IQGAP2: variants seen among roughly 807,000 people sequenced by gnomAD.
IQGAP2 encodes the protein ras GTPase-activating-like protein IQGAP2.
In IQGAP2, 173 loss-of-function variants were observed where a neutral mutation model predicts 201.3. That is an observed-to-expected ratio of 0.86 (90% CI 0.76 to 0.98). The LOEUF (loss-of-function observed/expected upper bound fraction) is 0.98, where lower values mean the gene tolerates loss of function less well. Among genes scored for constraint, IQGAP2 ranks in the 50% least tolerant of loss-of-function variants. IQGAP2 has a pLI of 0.00. For synonymous variants in IQGAP2, 675 were observed against 673.9 expected, an observed-to-expected ratio of 1.00 and a Z score of -0.03; for missense variants, 1,687 against 1,864.8, an observed-to-expected ratio of 0.90 and a Z score of 1.76.
intron 34 of IQGAP2, chr5:76,701,658 AG>A (rs2150562641): frequency 6.5e-6 from 1 of 154,530 alleles, no homozygotes; most frequent in East Asian, 1.9e-4. Context: ...GCCCCACATC[AG>A]GCACCATGTG....
At chr5:76,495,281 A>T (rs1394609532) in intron 2 of IQGAP2, among the ~76,000 whole-genome samples, 1 of 152,242 alleles carries the variant, frequency 6.6e-6, no homozygotes, top group Non-Finnish European at 1.5e-5. Flanking sequence ...CTGCATGTTC[A>T]TGCTTTTACG....
At chr5:76,556,688 A>C (rs1743975698) in intron 2 of IQGAP2, among the ~76,000 whole-genome samples, 1 of 152,168 alleles carries the variant, frequency 6.6e-6, no homozygotes. Flanking sequence ...AGCAATGTTA[A>C]GTACCCAGTC....
chr5:76,675,821 C>G (rs924356118), intron 27 of IQGAP2, among the ~76,000 whole-genome samples: 2 of 152,008 alleles, frequency 1.3e-5, no homozygotes, highest in African/African-American at 4.8e-5. Context: ...CCTCCTACTA[C>G]AGAAAGTGTT....
intron 2 of IQGAP2, among the ~76,000 whole-genome samples, chr5:76,526,462 T>G (rs543112382): frequency 6.6e-5 from 10 of 152,304 alleles, no homozygotes; most frequent in Non-Finnish European, 1.0e-4. Context: ...TGGGATATAA[T>G]ATGGAGAAAA....
intron 10 of IQGAP2, among the ~76,000 whole-genome samples, chr5:76,598,454 T>C (rs62362018): frequency 0.55 from 82,848 of 151,700 alleles, 23,750 homozygotes; most frequent in African/African-American, 0.72. Context: ...ACTATACAAA[T>C]GACAAACAAA....
At chr5:76,412,893 G>A (rs184011623) in intron 1 of IQGAP2, among the ~76,000 whole-genome samples, 18 of 152,222 alleles carry the variant, frequency 1.2e-4, no homozygotes, top group African/African-American at 4.3e-4. Flanking sequence ...AAATGTAAGT[G>A]GAAAATGCAT....
intron 1 of IQGAP2, among the ~76,000 whole-genome samples, chr5:76,452,117 G>A (rs912819133): frequency 2.0e-5 from 3 of 148,436 alleles, no homozygotes; most frequent in Non-Finnish European, 4.5e-5. Context: ...AGAATATTTG[G>A]AAAATGTATA....
At chr5:76,508,808 C>T (rs903612445) in intron 2 of IQGAP2, among the ~76,000 whole-genome samples, 1 of 151,756 alleles carries the variant, frequency 6.6e-6, no homozygotes, top group African/African-American at 2.4e-5. Context: ...AAACTAAAAG[C>T]TTCCAGCATG....
chr5:76,558,751 C>A (rs1016319931), intron 2 of IQGAP2, among the ~76,000 whole-genome samples: 3 of 152,196 alleles, frequency 2.0e-5, no homozygotes, highest in Non-Finnish European at 4.4e-5. Context: ...ATCACCAACA[C>A]CCCTCCTTTA....
Position 76,595,852 on chromosome 5 carries a change from A to T in IQGAP2, c.908-1587A>T, listed in dbSNP as rs1424396240. ...TGATGTTTGAAATATAGCTGTACAA[A>T]CCCATATAATAAATTTATCAAAGGT... is the stretch of plus-strand genomic sequence containing the variant. On this transcript the variant is annotated intron_variant, in intron 9 of 35. Transcript: ENST00000274364. Among the ~76,000 whole-genome samples the T allele has an allele frequency of 2.0e-5, 3 of 152,134 alleles. No homozygotes were observed. The East Asian group carries it at 5.8e-4, about 29-fold the overall frequency.
intron 17 of IQGAP2, among the ~76,000 whole-genome samples, chr5:76,644,202 T>C (rs1214219817): frequency 2.0e-5 from 3 of 151,444 alleles, no homozygotes; most frequent in Non-Finnish European, 4.4e-5. Flanking sequence ...ATATTTATGG[T>C]ACTAGAAAAC....
chr5:76,529,988 A>G (rs1759198672), intron 2 of IQGAP2, among the ~76,000 whole-genome samples: 1 of 152,084 alleles, frequency 6.6e-6, no homozygotes, highest in African/African-American at 2.4e-5. Context: ...GCTTTTTGCA[A>G]CTATCAATCA....
chr5:76,421,364 C>T (rs950208509), intron 1 of IQGAP2, among the ~76,000 whole-genome samples: 6 of 151,886 alleles, frequency 4.0e-5, no homozygotes, highest in South Asian at 2.1e-4. Context: ...CTGTAATCCC[C>T]GCACTTTGGG....
At chr5:76,625,372 T>C (rs1750127166) in intron 13 of IQGAP2, among the ~76,000 whole-genome samples, 1 of 152,184 alleles carries the variant, frequency 6.6e-6, no homozygotes, top group East Asian at 1.9e-4. Flanking sequence ...AGCTTAGTTT[T>C]TAGGTTATAG....
intron 2 of IQGAP2, among the ~76,000 whole-genome samples, chr5:76,550,063 A>G (rs1247311014): frequency 6.6e-6 from 1 of 152,162 alleles, no homozygotes; most frequent in African/African-American, 2.4e-5. Flanking sequence ...ATCTACATCA[A>G]AGTGAGAGAG....
At chr5:76,536,721 T>A (rs2072484601) in intron 2 of IQGAP2, among the ~76,000 whole-genome samples, 1 of 151,544 alleles carries the variant, frequency 6.6e-6, no homozygotes, top group South Asian at 2.1e-4. Flanking sequence ...GATTGTGCCA[T>A]TGCACTCCAG....
At chr5:76,682,033 T>C (rs1340944706) in intron 28 of IQGAP2, among the ~76,000 whole-genome samples, 2 of 152,112 alleles carry the variant, frequency 1.3e-5, no homozygotes, top group Admixed American at 6.5e-5. Context: ...TACAGGTATA[T>C]TTGTGGTTTC....
intron 2 of IQGAP2, among the ~76,000 whole-genome samples, chr5:76,556,555 G>C (rs1743960942): frequency 6.6e-6 from 1 of 152,188 alleles, no homozygotes; most frequent in South Asian, 2.1e-4. Context: ...TGGGCTTGAA[G>C]TTTTCTCCTT....
chr5:76,403,947 G>C lies in IQGAP2; in HGVS notation c.46+356G>C, dbSNP rs560479160. Among the ~76,000 whole-genome samples the C allele has an allele frequency of 1.6e-4, 24 of 152,306 alleles. No homozygotes were observed. In the East Asian group the frequency reaches 4.6e-3, roughly 29 times the overall value. ...CCGGGTCGCCGCCGGCTTGGGCCAG[G>C]GGGTGGCGTAAGGCACCGGATTCTT... is the stretch of plus-strand genomic sequence containing the variant. On this transcript the variant is annotated intron_variant, in intron 1 of 35. Coordinates refer to ENST00000274364, the MANE Select transcript of IQGAP2 (RefSeq NM_006633.5). The surrounding 1 kb of genome is among the most constrained non-coding windows in gnomAD (Gnocchi z 4.8).
Sources: allele counts gnomAD v4.1 joint callset (sites outside exome capture counted in the v4.1 genomes callset), GRCh38; gene constraint gnomAD v4.1.1; non-coding constraint Gnocchi (gnomAD v3.1); transcripts MANE v1.5; gene names NCBI Gene and HGNC (gene_info 2026-07-23, HGNC 2026-07-21).